ROBO1: variants seen among roughly 807,000 people sequenced by gnomAD.
The protein encoded by ROBO1 is roundabout homolog 1.
A neutral mutation model predicts 195.9 loss-of-function variants in ROBO1; 149 were observed. The observed-to-expected ratio is 0.76, with a 90% CI of 0.67 to 0.87. ROBO1 has a LOEUF of 0.87. ROBO1 is among the 40% of genes least tolerant of loss of function. The probability of loss-of-function intolerance (pLI) is 0.00; values close to 1 mark genes in which losing one functional copy is unlikely to be tolerated. For missense variants in ROBO1, 1,933 were observed against 2,068.3 expected (o/e 0.93, Z 1.27); for synonymous variants, 816 against 733.2 (o/e 1.11, Z -1.82).
intron 2 of ROBO1, among the ~76,000 whole-genome samples, chr3:79,486,411 A>C (rs189127737): frequency 6.6e-6 from 1 of 152,100 alleles, no homozygotes; most frequent in African/African-American, 2.4e-5. Context: ...TTAAACTTTT[A>C]TTCTCTACTT....
intron 25 of ROBO1, among the ~76,000 whole-genome samples, 187 bp from the exon 26 acceptor site, chr3:78,627,756 T>G (rs778552853): frequency 3.9e-5 from 6 of 152,190 alleles, no homozygotes; most frequent in Non-Finnish European, 8.8e-5. Context: ...TATTTTTCTC[T>G]AAGGGATTGT....
intron 3 of ROBO1, among the ~76,000 whole-genome samples, chr3:79,045,886 G>A (rs916384391): frequency 6.6e-5 from 10 of 151,718 alleles, no homozygotes; most frequent in African/African-American, 2.4e-4. Flanking sequence ...ATTTTGATGA[G>A]GAAAAAGTTA....
At chr3:79,237,623 T>C (rs1444525351) in intron 2 of ROBO1, among the ~76,000 whole-genome samples, 1 of 152,190 alleles carries the variant, frequency 6.6e-6, no homozygotes, top group Non-Finnish European at 1.5e-5. Flanking sequence ...GCAGAAATTG[T>C]TGAAAAAGCT....
intron 2 of ROBO1, among the ~76,000 whole-genome samples, chr3:79,189,393 A>C (rs1237278354): frequency 6.6e-6 from 1 of 151,822 alleles, no homozygotes; most frequent in Admixed American, 6.6e-5. Context: ...AAAAGGAGTA[A>C]GTATAAGCAG....
intron 3 of ROBO1, among the ~76,000 whole-genome samples, chr3:79,048,096 G>A (rs1387676728): frequency 6.6e-6 from 1 of 151,926 alleles, no homozygotes; most frequent in African/African-American, 2.4e-5. Flanking sequence ...ACCATATATG[G>A]TTACCTTGCA....
chr3:78,698,888 A>G (rs1486971932), intron 8 of ROBO1, among the ~76,000 whole-genome samples: 1 of 152,196 alleles, frequency 6.6e-6, no homozygotes, highest in Non-Finnish European at 1.5e-5. Context: ...TTCCCAAAAA[A>G]GCAGTTAACA....
intron 8 of ROBO1, among the ~76,000 whole-genome samples, chr3:78,692,198 A>G (rs1307044528): frequency 6.6e-6 from 1 of 152,068 alleles, no homozygotes; most frequent in Non-Finnish European, 1.5e-5. Context: ...ATATTACATT[A>G]TTATTGAACA....
intron 1 of ROBO1, among the ~76,000 whole-genome samples, chr3:79,594,174 C>A (rs1944091799): frequency 6.6e-6 from 1 of 151,968 alleles, no homozygotes; most frequent in Non-Finnish European, 1.5e-5. Context: ...AACACACTAA[C>A]CCCTAAACCA....
At chr3:79,728,070 G>A (rs1456439569) in intron 1 of ROBO1, among the ~76,000 whole-genome samples, 2 of 151,968 alleles carry the variant, frequency 1.3e-5, no homozygotes, top group Non-Finnish European at 2.9e-5. Flanking sequence ...ATGTCAGAAG[G>A]CACACGACTG....
intron 14 of ROBO1, among the ~76,000 whole-genome samples, chr3:78,663,293 A>G (rs1284033760): frequency 6.6e-6 from 1 of 151,892 alleles, no homozygotes; most frequent in Non-Finnish European, 1.5e-5. Flanking sequence ...TTGTTTTTAT[A>G]CTTAACCTAG....
chr3:79,628,336 A>T (rs1945240759), intron 1 of ROBO1, among the ~76,000 whole-genome samples: 1 of 152,180 alleles, frequency 6.6e-6, no homozygotes, highest in South Asian at 2.1e-4. Flanking sequence ...CTTTTCAGGG[A>T]CATGGATGAA....
At chr3:79,539,374 T>G (rs2107636554) in intron 2 of ROBO1, among the ~76,000 whole-genome samples, 1 of 152,248 alleles carries the variant, frequency 6.6e-6, no homozygotes, top group Admixed American at 6.5e-5. Context: ...AGCACACACG[T>G]AAGTTGTTTT....
Position 79,030,775 on chromosome 3 carries a change from G to A in ROBO1, c.173-91848C>T, listed in dbSNP as rs575719583. Reference sequence around the variant, plus strand: ...CTCACTCTGTCGACCAGGCTGGAGTGCAATGGTGCAACCTCAGCTCACTGC... The same window carrying A: ...CTCACTCTGTCGACCAGGCTGGAGTACAATGGTGCAACCTCAGCTCACTGC... On this transcript the variant is annotated intron_variant, in intron 3 of 30. Coordinates refer to ENST00000464233, the MANE Select transcript of ROBO1 (RefSeq NM_002941.4). Among the ~76,000 whole-genome samples, 67 of 152,224 alleles carry A rather than the reference G, an allele frequency of 4.4e-4. 1 individual carries two copies. Among genetic ancestry groups the A allele is most frequent in the Admixed American group, 1.6e-3 (24 of 15,292 alleles).
intron 1 of ROBO1, among the ~76,000 whole-genome samples, chr3:79,710,911 G>A (rs888689602): frequency 4.6e-5 from 7 of 152,054 alleles, no homozygotes; most frequent in Non-Finnish European, 8.8e-5. Context: ...TTTGAAGTTG[G>A]TGAAGCCAGG....
intron 2 of ROBO1, among the ~76,000 whole-genome samples, chr3:79,480,192 T>G (rs1938763395): frequency 6.6e-6 from 1 of 152,180 alleles, no homozygotes; most frequent in African/African-American, 2.4e-5. Context: ...ACTCTCTTAT[T>G]AAAGAAACAT....
At chr3:79,353,006 G>T (rs2109272760) in intron 2 of ROBO1, among the ~76,000 whole-genome samples, 1 of 152,208 alleles carries the variant, frequency 6.6e-6, no homozygotes, top group Non-Finnish European at 1.5e-5. Context: ...AAGAATCAAT[G>T]TTAACTCTGA....
chr3:78,647,617 G>A lies in ROBO1; in HGVS notation c.2839+12C>T, dbSNP rs753617909. On this transcript the variant is annotated intron_variant, in intron 20 of 30. Coordinates refer to ENST00000464233, the MANE Select transcript of ROBO1 (RefSeq NM_002941.4). ...AACAATGGAAAGGAGGAGGGTAAGT[G>A]CAAATATATACCTGTTGGTGTGAAG... is the stretch of plus-strand genomic sequence containing the variant. The A allele has an allele frequency of 3.2e-5, 51 of 1,609,794 alleles. No homozygotes were observed. In the Middle Eastern group the frequency reaches 1.2e-3, roughly 36 times the overall value.
At chr3:79,767,258 G>T (rs1011011922) in intron 1 of ROBO1, among the ~76,000 whole-genome samples, 1 of 152,050 alleles carries the variant, frequency 6.6e-6, no homozygotes, top group Non-Finnish European at 1.5e-5. Flanking sequence ...CAACGGTGCG[G>T]TCAGCGGCAC....
At chr3:79,627,538 C>G (rs576777204) in intron 1 of ROBO1, among the ~76,000 whole-genome samples, 2 of 152,148 alleles carry the variant, frequency 1.3e-5, no homozygotes, top group Admixed American at 1.3e-4. Flanking sequence ...AATCAAAAGC[C>G]ATAAAAATTG....
Sources: allele counts gnomAD v4.1 joint callset (sites outside exome capture counted in the v4.1 genomes callset), GRCh38; gene constraint gnomAD v4.1.1; transcripts MANE v1.5; gene names NCBI Gene and HGNC (gene_info 2026-07-23, HGNC 2026-07-21).